Variants in EML4 observed in about 807,000 individuals in gnomAD.
The protein encoded by EML4 is EMAP like 4.
A neutral mutation model predicts 129.0 loss-of-function variants in EML4; 72 were observed. The observed-to-expected ratio is 0.56, with a 90% CI of 0.46 to 0.68. EML4 has a LOEUF of 0.68. EML4 is among the 30% of genes least tolerant of loss of function. The pLI is 0.00. For synonymous variants in EML4, 532 were observed against 405.0 expected (o/e 1.31, Z -3.77); for missense variants, 1,363 against 1,190.6 (o/e 1.14, Z -2.13).
chr2:42,280,525 A>G (rs1442732781), intron 6 of EML4, among the ~76,000 whole-genome samples: 1 of 152,338 alleles, frequency 6.6e-6, no homozygotes, highest in African/African-American at 2.4e-5. Context: ...TTTCTAAACA[A>G]TACAACAACT....
rs548906682 is a variant in EML4 at position 42,219,819 on chromosome 2, G to C, written c.26-25686G>C. ...CGCATGTCTGTAATCCCAGCTACTT[G>C]GGAGGCTGAGGCAGGAGAATCACTT... On this transcript the variant is annotated intron_variant, in intron 1 of 22. Transcript: ENST00000318522. Among the ~76,000 whole-genome samples, 40 of 151,480 alleles carry C rather than the reference G, an allele frequency of 2.6e-4. 1 individual carries two copies. The highest frequency in any genetic ancestry group is 2.2e-3 in the Admixed American group (34 of 15,234).
Position 42,210,231 on chromosome 2 carries a change from TC to T in EML4, c.26-35273del, listed in dbSNP as rs1672811622. 3.3e-5 allele frequency among the ~76,000 whole-genome samples: 5 copies of T among 152,200 alleles called. No individual in the cohort carries two copies. The South Asian group carries it at 1.0e-3, about 31-fold the overall frequency. ...TAGGCTCTTGGCTATGACCATTTTT[TC>T]AGGTTTTTCTTGTTTTTGATACCTC... is the stretch of plus-strand genomic sequence containing the variant. On this transcript the variant is annotated intron_variant, in intron 1 of 22. Coordinates refer to ENST00000318522, the MANE Select transcript of EML4 (RefSeq NM_019063.5).
intron 1 of EML4, among the ~76,000 whole-genome samples, chr2:42,173,936 C>A (rs79507869): frequency 0.1 from 15,372 of 152,180 alleles, 869 homozygotes; most frequent in Middle Eastern, 0.21. Flanking sequence ...GAGGAAGCAC[C>A]ATTTAGAATG....
intron 1 of EML4, among the ~76,000 whole-genome samples, chr2:42,189,749 A>C (rs1317693730): frequency 2.6e-5 from 4 of 152,222 alleles, no homozygotes; most frequent in Non-Finnish European, 5.9e-5. Context: ...CTGAAGCCCA[A>C]GTCATGCCTT....
At chr2:42,257,195 A>G (rs1676209842) in intron 3 of EML4, among the ~76,000 whole-genome samples, 1 of 152,096 alleles carries the variant, frequency 6.6e-6, no homozygotes, top group South Asian at 2.1e-4. Flanking sequence ...AGTGGATTAC[A>G]GATTTGCATT....
In EML4 at chr2:42,329,756, C is replaced by T; in HGVS notation, c.2495C>T (p.Ala832Val). The change falls in exon 23 of 23, where the codon GCC (alanine) becomes GTC (valine). Residue 832 changes from alanine to valine, a missense_variant. Transcript: ENST00000318522. ...TAGGCTCCCAGTCACAAGTACAGTG[C>T]CCACAGCAGCCATGTCACCAATGTC... Reference protein sequence around the residue: ...KAKAPSHKYSAHSSHVTNVSF... With the variant: ...KAKAPSHKYSVHSSHVTNVSF... 1.9e-6 allele frequency: 3 copies of T among 1,613,960 alleles called. No homozygotes were observed. Among genetic ancestry groups the T allele is most frequent in the Non-Finnish European group, 2.5e-6 (3 of 1,179,904 alleles).
At position 42,203,185 on chromosome 2, in the gene EML4, C is replaced by T. The variant is rs1345501996; in HGVS notation, c.25+33549C>T. On this transcript the variant is annotated intron_variant, in intron 1 of 22. Coordinates refer to ENST00000318522, the MANE Select transcript of EML4 (RefSeq NM_019063.5). ...TCTATAACGTATGCATATATTGAAA[C>T]ATCACATTGTGTCCCATAAGTACAT... Among the ~76,000 whole-genome samples the T allele has an allele frequency of 2.6e-5, 4 of 152,180 alleles. No homozygotes were observed. The South Asian group carries it at 8.3e-4, about 31-fold the overall frequency.
intron 13 of EML4, 33 bp downstream of exon 13, chr2:42,295,549 T>G: frequency 6.3e-7 from 1 of 1,595,886 alleles, no homozygotes; most frequent in South Asian, 1.1e-5. Context: ...TCATTTCTGG[T>G]AATTCTCACA....
rs556076456 is a variant in EML4, at chr2:42,259,551, A to G, written c.339-1570A>G. On this transcript the variant is annotated intron_variant, in intron 3 of 22. Transcript: ENST00000318522. ...AAGACCAAACCTACCCTCTAAGTAT[A>G]TATCTCTGATCAAATTCCTTGTTGA... Among the ~76,000 whole-genome samples the G allele has an allele frequency of 3.3e-5, 5 of 152,178 alleles. No homozygotes were observed. In the South Asian group the frequency reaches 6.2e-4, roughly 19 times the overall value.
intron 1 of EML4, among the ~76,000 whole-genome samples, chr2:42,196,294 A>G (rs527448933): frequency 1.3e-5 from 2 of 152,350 alleles, no homozygotes; most frequent in South Asian, 2.1e-4. Context: ...ATATAAAAGT[A>G]TTAGCACTTA....
rs1033919912 is a variant in EML4 at position 42,330,680 on chromosome 2, C to G, written c.*473C>G. ...AAAAATGTACTCTTACTGAGATACC[C>G]TCTCACCCCAAATGTGTAATGGAAA... On this transcript the variant is annotated 3_prime_UTR_variant, in exon 23 of 23. Transcript: ENST00000318522. 14 of 248,540 alleles carry G rather than the reference C, an allele frequency of 5.6e-5. No homozygotes were observed. The highest frequency in any genetic ancestry group is 2.9e-4 in the African/African-American group (13 of 44,386). 15.4% of individuals were successfully genotyped at this position (248,540 alleles called of 1,614,324 possible).
At chr2:42,237,890 A>C (rs1255476724) in intron 1 of EML4, among the ~76,000 whole-genome samples, 1 of 152,166 alleles carries the variant, frequency 6.6e-6, no homozygotes, top group African/African-American at 2.4e-5. Context: ...TTTCCTGTTA[A>C]GTACTTAAGT....
intron 3 of EML4, 78 bp downstream of exon 3, chr2:42,256,708 T>C (rs746995097): frequency 1.3e-6 from 2 of 1,538,008 alleles, no homozygotes; most frequent in South Asian, 2.4e-5. Flanking sequence ...TTAGAAAGAA[T>C]ATGAAATAGA....
At chr2:42,216,129 A>C (rs998743277) in intron 1 of EML4, among the ~76,000 whole-genome samples, 1 of 151,032 alleles carries the variant, frequency 6.6e-6, no homozygotes, top group Admixed American at 6.6e-5. Context: ...CATGTTGGTC[A>C]GGCTGGTCTC....
chr2:42,242,701 TCTTTTCTTTC>T (rs912927624), intron 1 of EML4, among the ~76,000 whole-genome samples: 27 of 151,950 alleles, frequency 1.8e-4, no homozygotes, highest in Admixed American at 2.6e-4. Flanking sequence ...TTTTCTCTTT[TCTTTTCTTTC>T]CTTTTCTTTT....
At chr2:42,327,003 C>G (rs1669844881) in intron 21 of EML4, among the ~76,000 whole-genome samples, 1 of 152,098 alleles carries the variant, frequency 6.6e-6, no homozygotes, top group Non-Finnish European at 1.5e-5. Context: ...AACAGTTACC[C>G]CATCTCTCTT....
At chr2:42,181,852 A>G (rs1038275353) in intron 1 of EML4, among the ~76,000 whole-genome samples, 2 of 152,308 alleles carry the variant, frequency 1.3e-5, no homozygotes, top group South Asian at 2.1e-4. Flanking sequence ...AAAGGTATTT[A>G]GAAACCAAGC....
At chr2:42,181,311 G>A (rs1363167462) in intron 1 of EML4, among the ~76,000 whole-genome samples, 1 of 151,634 alleles carries the variant, frequency 6.6e-6, no homozygotes, top group Non-Finnish European at 1.5e-5. Flanking sequence ...ATTTTATTTT[G>A]TATTTGAGAC....
Position 42,280,925 on chromosome 2 carries a change from A to T in EML4, c.743A>T (p.Asp248Val), listed in dbSNP as rs748652214. The change falls in exon 7 of 23, where the codon GAT becomes GTT. Residue 248 changes from aspartate (D) to valine (V), a missense_variant. Transcript: ENST00000318522. ...MFIPSDVDNYDDIRTELPPEK... is the reference protein window; with the variant it reads ...MFIPSDVDNYVDIRTELPPEK... ...ATTCCTTCCGATGTTGACAACTATG[A>T]TGACATCAGAACGGAACTGCCTCCT... 3.7e-6 allele frequency: 6 copies of T among 1,612,224 alleles called. No individual in the cohort carries two copies. The highest frequency in any genetic ancestry group is 1.3e-5 in the African/African-American group (1 of 74,866).
Sources: allele counts gnomAD v4.1 joint callset (sites outside exome capture counted in the v4.1 genomes callset), GRCh38; gene constraint gnomAD v4.1.1; transcripts MANE v1.5; gene names NCBI Gene and HGNC (gene_info 2026-07-23, HGNC 2026-07-21).